LINGO2: variants seen among roughly 807,000 people sequenced by gnomAD.
LINGO2 encodes leucine-rich repeat and immunoglobulin-like domain-containing nogo receptor-interacting protein 2.
Under a neutral mutation model 30.6 loss-of-function variants are expected in LINGO2, and 14 were observed. The ratio of observed to expected loss-of-function variants is 0.46; its 90% CI spans 0.30 to 0.72. LINGO2 has a LOEUF of 0.72. LINGO2 is among the 30% of genes least tolerant of loss of function. The probability of loss-of-function intolerance (pLI) is 0.07; values close to 1 mark genes in which losing one functional copy is unlikely to be tolerated. For missense variants in LINGO2, 729 were observed against 751.7 expected (o/e 0.97, Z 0.35); for synonymous variants, 317 against 288.5 (o/e 1.10, Z -1.00).
At chr9:28,828,944 C>A in the LINGO2 span, among the ~76,000 whole-genome samples, 1 of 152,100 alleles carries the variant, frequency 6.6e-6, no homozygotes, top group African/African-American at 2.4e-5. Context: ...CCAGAGAAGG[C>A]CCCACCCTCA....
intron 1 of LINGO2, among the ~76,000 whole-genome samples, chr9:28,642,088 T>C (rs1428048370): frequency 1.3e-5 from 2 of 151,968 alleles, no homozygotes; most frequent in Non-Finnish European, 2.9e-5. Flanking sequence ...TGTATGTGTG[T>C]GCATATAAAA....
chr9:29,184,708 C>G, the LINGO2 span, among the ~76,000 whole-genome samples: 1 of 150,904 alleles, frequency 6.6e-6, no homozygotes, highest in Non-Finnish European at 1.5e-5. Context: ...TCCTTCTCTC[C>G]TCCCTCCCTC....
intron 1 of LINGO2, among the ~76,000 whole-genome samples, chr9:28,557,350 A>G: frequency 6.6e-6 from 1 of 152,106 alleles, no homozygotes; most frequent in South Asian, 2.1e-4. Flanking sequence ...ATGAACAGAC[A>G]CTTCTTAAAA....
At chr9:28,612,987 TAGTG>T (rs1825983476) in intron 1 of LINGO2, among the ~76,000 whole-genome samples, 1 of 152,118 alleles carries the variant, frequency 6.6e-6, no homozygotes, top group Non-Finnish European at 1.5e-5. Flanking sequence ...GTTCTCATGA[TAGTG>T]AGTGAGTTCT....
At chr9:28,443,112 C>T (rs373194609) in intron 2 of LINGO2, among the ~76,000 whole-genome samples, 147 of 152,078 alleles carry the variant, frequency 9.7e-4, no homozygotes, top group East Asian at 3.3e-3. Flanking sequence ...GGAAAAATGA[C>T]GTAATAGGAA....
At chr9:29,055,788 C>T in the LINGO2 span, among the ~76,000 whole-genome samples, 2 of 151,886 alleles carry the variant, frequency 1.3e-5, no homozygotes, top group Non-Finnish European at 2.9e-5. Flanking sequence ...TAGCTTAGCT[C>T]CCACTTATGA....
At chr9:28,984,969 C>T in the LINGO2 span, among the ~76,000 whole-genome samples, 1 of 152,078 alleles carries the variant, frequency 6.6e-6, no homozygotes, top group Non-Finnish European at 1.5e-5. Flanking sequence ...AAGAAACCCA[C>T]CTTAGACCTC....
intron 1 of LINGO2, among the ~76,000 whole-genome samples, chr9:28,505,297 CA>C (rs1490005138): frequency 6.6e-6 from 1 of 151,708 alleles, no homozygotes; most frequent in Non-Finnish European, 1.5e-5. Flanking sequence ...CAGGTGGGGC[CA>C]AAGGTAAAAA....
At chr9:28,372,265 G>T (rs1435258537) in intron 3 of LINGO2, among the ~76,000 whole-genome samples, 1 of 152,126 alleles carries the variant, frequency 6.6e-6, no homozygotes, top group Non-Finnish European at 1.5e-5. Context: ...AAAACATAAT[G>T]TTTTCTAATA....
chr9:28,412,068 G>C (rs962062036), intron 2 of LINGO2, among the ~76,000 whole-genome samples: 1 of 150,766 alleles, frequency 6.6e-6, no homozygotes, highest in African/African-American at 2.4e-5. Flanking sequence ...TACCCAACAA[G>C]TAGTTTTTCA....
intron 1 of LINGO2, among the ~76,000 whole-genome samples, chr9:28,618,069 C>T (rs1476316989): frequency 6.6e-6 from 1 of 152,104 alleles, no homozygotes; most frequent in African/African-American, 2.4e-5. Context: ...ATATTAGCAG[C>T]AACGCAGGAG....
At chr9:28,265,963 T>G (rs1587355407) in intron 4 of LINGO2, among the ~76,000 whole-genome samples, 1 of 151,972 alleles carries the variant, frequency 6.6e-6, no homozygotes, top group Non-Finnish European at 1.5e-5. Context: ...GGGACCAGAA[T>G]CTGAGATGAT....
chr9:29,204,132 T>G, the LINGO2 span, among the ~76,000 whole-genome samples: 8 of 152,190 alleles, frequency 5.3e-5, no homozygotes, highest in Non-Finnish European at 1.2e-4. Context: ...ACAGGAAAAG[T>G]TAGTGTGATA....
In LINGO2 at chr9:28,119,450, G is replaced by T. The variant is rs7861513; in HGVS notation, c.-86-107045C>A. ...TTAACAAACATATATACTTGGGCAG[G>T]TTAATACAGTCTTAGTCTTGATTTA... On this transcript the variant is annotated intron_variant, in intron 4 of 5. Transcript: ENST00000379992. 5.0e-3 allele frequency among the ~76,000 whole-genome samples: 754 copies of T among 152,294 alleles called. 12 individuals carry two copies. Among genetic ancestry groups the T allele is most frequent in the African/African-American group, 0.017 (687 of 41,564 alleles).
At chr9:29,082,007 G>A in the LINGO2 span, among the ~76,000 whole-genome samples, 1 of 152,050 alleles carries the variant, frequency 6.6e-6, no homozygotes. Context: ...TGCTGCCCAA[G>A]GTAATTTACA....
At chr9:29,032,994 C>A in the LINGO2 span, among the ~76,000 whole-genome samples, 5 of 151,946 alleles carry the variant, frequency 3.3e-5, no homozygotes, top group Non-Finnish European at 7.4e-5. Flanking sequence ...TACAATTATG[C>A]CATATAGATG....
At chr9:27,948,603 A>AT in exon 6 of LINGO2, 1 of 428,692 alleles carries the variant, frequency 2.3e-6, no homozygotes, top group Non-Finnish European at 4.1e-6. Flanking sequence ...CATTACTGAG[A>AT]TCCCCAGAAC....
At chr9:28,906,881 A>G in the LINGO2 span, among the ~76,000 whole-genome samples, 1 of 151,912 alleles carries the variant, frequency 6.6e-6, no homozygotes. Context: ...TTTCTAATTC[A>G]TGCAAGGTGT....
At chr9:28,019,620 CTT>C (rs1823015435) in intron 4 of LINGO2, among the ~76,000 whole-genome samples, 1 of 152,026 alleles carries the variant, frequency 6.6e-6, no homozygotes, top group African/African-American at 2.4e-5. Flanking sequence ...CAGGGCTTAT[CTT>C]TAAGTGGTAG....
Sources: gnomAD v4.1 joint callset for allele counts (sites outside exome capture counted in the v4.1 genomes callset) on GRCh38, gnomAD v4.1.1 for gene constraint, MANE v1.5 for transcripts, NCBI Gene and HGNC (gene_info 2026-07-23, HGNC 2026-07-21) for gene names.